Variants in KATNBL1 observed in about 807,000 individuals in gnomAD.
KATNBL1 encodes katanin regulatory subunit B1 like 1, also known as KATNB1-like protein 1.
In KATNBL1, 28 loss-of-function variants were observed where a neutral mutation model predicts 44.7. The observed-to-expected ratio is 0.63, with a 90% CI of 0.46 to 0.86. The LOEUF is 0.86. KATNBL1 is among the 40% of genes least tolerant of loss of function. The pLI, the probability that KATNBL1 is intolerant of heterozygous loss-of-function variation, is 0.00. For missense variants in KATNBL1, 272 were observed against 350.7 expected, an observed-to-expected ratio of 0.78 and a Z score of 1.79; for synonymous variants, 78 against 114.9, an observed-to-expected ratio of 0.68 and a Z score of 2.06.
intron 2 of KATNBL1, among the ~76,000 whole-genome samples, 192 bp downstream of exon 2, chr15:34,163,368 T>C (rs1191607821): frequency 6.6e-6 from 1 of 152,094 alleles, no homozygotes; most frequent in African/African-American, 2.4e-5. Context: ...TTAGAGCTTA[T>C]AGAAATAAAA....
intron 1 of KATNBL1, among the ~76,000 whole-genome samples, chr15:34,197,662 T>C (rs1890061197): frequency 6.6e-6 from 1 of 152,238 alleles, no homozygotes; most frequent in South Asian, 2.1e-4. Context: ...TATTTTTCTA[T>C]GAGATTAAGA....
At position 34,142,278 on chromosome 15, in the gene KATNBL1, G is replaced by C; in HGVS notation, c.*61C>G. 1 of 1,330,124 alleles carries C rather than the reference G, an allele frequency of 7.5e-7. No homozygotes were observed. 82.4% of individuals were successfully genotyped at this position (1,330,124 alleles called of 1,614,324 possible). A position where few individuals can be genotyped will look rare whatever the true frequency, so the allele number is the denominator to read the frequency against. ...TTCTCAGACGAGACTTTTTTTTTTT[G>C]TAAATTATACAGTTCAGGGATGTTT... On this transcript the variant is annotated 3_prime_UTR_variant, in exon 10 of 10. Coordinates refer to ENST00000256544, the MANE Select transcript of KATNBL1 (RefSeq NM_024713.3).
At chr15:34,178,755 C>CAAAAA (rs59061813) in intron 1 of KATNBL1, among the ~76,000 whole-genome samples, 7 of 122,692 alleles carry the variant, frequency 5.7e-5, no homozygotes, top group Non-Finnish European at 6.7e-5. Context: ...GACTCTGTCT[C>CAAAAA]AAAAAAAAAA....
chr15:34,145,890 T>C (rs1216960701), intron 8 of KATNBL1: 1 of 151,866 alleles, frequency 6.6e-6, no homozygotes, highest in African/African-American at 2.4e-5. Context: ...TTTGGAACAT[T>C]TGGACATTCC....
intron 2 of KATNBL1, among the ~76,000 whole-genome samples, chr15:34,162,270 A>G (rs1490091712): frequency 6.6e-6 from 1 of 152,146 alleles, no homozygotes; most frequent in Non-Finnish European, 1.5e-5. Flanking sequence ...GGTTTCCCCA[A>G]TACTGTTTTT....
intron 1 of KATNBL1, among the ~76,000 whole-genome samples, chr15:34,182,226 A>C (rs1889589388): frequency 1.3e-5 from 2 of 152,072 alleles, no homozygotes; most frequent in Non-Finnish European, 2.9e-5. Context: ...AGTTTTCATC[A>C]CTTTCTAGCT....
chr15:34,145,155 A>G, intron 9 of KATNBL1: 1 of 1,295,372 alleles, frequency 7.7e-7, no homozygotes, highest in Non-Finnish European at 1.0e-6. Context: ...ACCCTCTGTA[A>G]ATATCCTCTA....
intron 1 of KATNBL1, among the ~76,000 whole-genome samples, chr15:34,179,714 T>G (rs1478205735): frequency 6.6e-6 from 1 of 152,198 alleles, no homozygotes; most frequent in Admixed American, 6.5e-5. Context: ...ATAGGTAAGA[T>G]CTATCCAATC....
intron 1 of KATNBL1, among the ~76,000 whole-genome samples, chr15:34,188,038 T>C (rs1484275478): frequency 2.1e-5 from 3 of 140,848 alleles, no homozygotes; most frequent in South Asian, 2.2e-4. Flanking sequence ...GCTCGGTAGG[T>C]TGGGGCAAGA....
intron 1 of KATNBL1, among the ~76,000 whole-genome samples, chr15:34,207,647 C>A (rs1247583318): frequency 6.6e-6 from 1 of 150,828 alleles, no homozygotes; most frequent in Non-Finnish European, 1.5e-5. Flanking sequence ...TGTGGCTGCA[C>A]TGAAGTGCAG....
chr15:34,162,367 C>T (rs904786519), intron 2 of KATNBL1, among the ~76,000 whole-genome samples: 5 of 152,274 alleles, frequency 3.3e-5, no homozygotes, highest in African/African-American at 1.2e-4. Flanking sequence ...TCTGCTGCCA[C>T]GTATGTAAAA....
At position 34,141,683 on chromosome 15, in the gene KATNBL1, A is replaced by G. The variant is rs753543792; in HGVS notation, c.*656T>C. Reference sequence around the variant, plus strand: ...TTTCAAGAACACTCTACAAGAATGTAAACCCCTGATTTAATTCCATGATTT... The same window carrying G: ...TTTCAAGAACACTCTACAAGAATGTGAACCCCTGATTTAATTCCATGATTT... On this transcript the variant is annotated 3_prime_UTR_variant, in exon 10 of 10. Coordinates refer to ENST00000256544, the MANE Select transcript of KATNBL1 (RefSeq NM_024713.3). The G allele has an allele frequency of 2.6e-5, 4 of 152,642 alleles. No individual in the cohort carries two copies. Among genetic ancestry groups the G allele is most frequent in the Admixed American group, 1.3e-4 (2 of 15,286 alleles). The allele number at this position is 152,642 out of a possible 1,614,324, so 9.5% of individuals were successfully genotyped here.
At chr15:34,180,540 C>T (rs1222569921) in intron 1 of KATNBL1, among the ~76,000 whole-genome samples, 1 of 152,180 alleles carries the variant, frequency 6.6e-6, no homozygotes, top group Non-Finnish European at 1.5e-5. Context: ...TTCATGGCTT[C>T]AGTTATTTCT....
At chr15:34,156,434 G>A (rs1301093952) in intron 2 of KATNBL1, among the ~76,000 whole-genome samples, 1 of 152,228 alleles carries the variant, frequency 6.6e-6, no homozygotes, top group Non-Finnish European at 1.5e-5. Context: ...CCTCTGGCCT[G>A]CCATGCGCAC....
chr15:34,190,176 C>A (rs1436055994), intron 1 of KATNBL1, among the ~76,000 whole-genome samples: 1 of 152,074 alleles, frequency 6.6e-6, no homozygotes, highest in Non-Finnish European at 1.5e-5. Flanking sequence ...GATCTCCTGA[C>A]CTCGTGATCC....
intron 2 of KATNBL1, among the ~76,000 whole-genome samples, chr15:34,155,526 G>T (rs750426963): frequency 2.0e-5 from 3 of 147,214 alleles, no homozygotes; most frequent in African/African-American, 7.9e-5. Flanking sequence ...CTGTGAAGGG[G>T]TCATTTACTC....
rs1368712612 is a variant in KATNBL1, at chr15:34,181,619, CAT to C, written c.-14-17931_-14-17930del. Among the ~76,000 whole-genome samples the C allele has an allele frequency of 1.1e-4, 12 of 110,780 alleles. 1 individual carries two copies. Among genetic ancestry groups the C allele is most frequent in the Admixed American group, 1.8e-4 (2 of 11,224 alleles). The allele number at this position is 110,780 out of a possible 152,430, so 72.7% of individuals were successfully genotyped here. ...ACATATATATGTCCATATATATACA[CAT>C]ATATATGTCCATATATATACACATA... On this transcript the variant is annotated intron_variant, in intron 1 of 9. Transcript: ENST00000256544.
chr15:34,147,400 G>A lies in KATNBL1; in HGVS notation c.588C>T (p.Cys196=). The A allele has an allele frequency of 6.2e-7, 1 of 1,613,188 alleles. No homozygotes were observed. The highest frequency in any genetic ancestry group is 8.5e-7 in the Non-Finnish European group (1 of 1,179,300). Residue 196 remains cysteine (C), a synonymous_variant, in exon 6 of 10, where the codon TGC becomes TGT. Transcript: ENST00000256544. ...TTTACCAATTGGTGAGCACAGGAAG[G>A]CAATCTACCACAACGCCAAGATCTT... ...RIEDLGVVVD[C]LPVLTNCLQE...
chr15:34,181,702 C>A (rs1243052171), intron 1 of KATNBL1, among the ~76,000 whole-genome samples: 3 of 25,586 alleles, frequency 1.2e-4, no homozygotes, highest in Non-Finnish European at 1.7e-4. Context: ...ATATATATAT[C>A]CATATATATG....
Sources: gnomAD v4.1 joint callset for allele counts (sites outside exome capture counted in the v4.1 genomes callset) on GRCh38, gnomAD v4.1.1 for gene constraint, MANE v1.5 for transcripts, NCBI Gene and HGNC (gene_info 2026-07-23, HGNC 2026-07-21) for gene names.